Variants in MAF observed in about 807,000 individuals in gnomAD.
MAF encodes the protein transcription factor Maf.
In MAF, 10 loss-of-function variants were observed where a neutral mutation model predicts 22.0. The observed-to-expected ratio is 0.45, with a 90% confidence interval of 0.28 to 0.77. MAF has a LOEUF of 0.77. Among genes scored for constraint, MAF ranks in the 30% least tolerant of loss-of-function variants. The pLI, the probability that MAF is intolerant of heterozygous loss-of-function variation, is 0.12. For synonymous variants in MAF, 337 were observed against 255.8 expected (o/e 1.32, Z -3.03); for missense variants, 544 against 548.4 (o/e 0.99, Z 0.08).
chr16:79,552,733 T>A, the MAF span, among the ~76,000 whole-genome samples: 1 of 152,222 alleles, frequency 6.6e-6, no homozygotes, highest in East Asian at 1.9e-4. Context: ...TTCTTCCCAC[T>A]GGATTTGCTA....
At chr16:79,565,047 C>A in the MAF span, among the ~76,000 whole-genome samples, 1 of 152,134 alleles carries the variant, frequency 6.6e-6, no homozygotes, top group African/African-American at 2.4e-5. Context: ...CATCATTCAG[C>A]TGTGGAAATA....
At chr16:79,206,278 C>G in the MAF span, 1 of 152,200 alleles carries the variant, frequency 6.6e-6, no homozygotes, top group Non-Finnish European at 1.5e-5. Context: ...AAGCCGGAGC[C>G]CCGTGGAAGA....
chr16:79,347,159 T>C, the MAF span, among the ~76,000 whole-genome samples: 13 of 152,354 alleles, frequency 8.5e-5, no homozygotes, highest in East Asian at 2.3e-3. Context: ...CTAAAATCTG[T>C]GCAGCCACAC....
the MAF span, among the ~76,000 whole-genome samples, chr16:79,396,824 G>A: frequency 2.6e-5 from 4 of 152,212 alleles, no homozygotes; most frequent in Non-Finnish European, 5.9e-5. Flanking sequence ...AGGGTGATGT[G>A]AATTTGCAGC....
At chr16:79,528,781 G>A in the MAF span, among the ~76,000 whole-genome samples, 1 of 152,102 alleles carries the variant, frequency 6.6e-6, no homozygotes, top group Non-Finnish European at 1.5e-5. Flanking sequence ...CCCTGAAAAT[G>A]AAATTGGCTG....
At chr16:79,337,815 AT>A in the MAF span, among the ~76,000 whole-genome samples, 1 of 152,188 alleles carries the variant, frequency 6.6e-6, no homozygotes, top group Admixed American at 6.5e-5. Flanking sequence ...AAACCCTTCT[AT>A]GCACACACAA....
the MAF span, among the ~76,000 whole-genome samples, chr16:79,528,572 A>G: frequency 6.6e-6 from 1 of 152,116 alleles, no homozygotes; most frequent in African/African-American, 2.4e-5. Flanking sequence ...AGCCCTGGTG[A>G]ATGTCACAAC....
At chr16:79,536,509 G>T in the MAF span, among the ~76,000 whole-genome samples, 1 of 152,148 alleles carries the variant, frequency 6.6e-6, no homozygotes, top group Non-Finnish European at 1.5e-5. Flanking sequence ...AGGCATGGTG[G>T]TGCACACCTG....
the MAF span, among the ~76,000 whole-genome samples, chr16:79,250,269 A>G: frequency 6.6e-6 from 1 of 152,214 alleles, no homozygotes; most frequent in South Asian, 2.1e-4. Context: ...CTTGCAAAGG[A>G]GGCCATCCAA....
chr16:79,494,758 A>C, the MAF span, among the ~76,000 whole-genome samples: 14 of 152,296 alleles, frequency 9.2e-5, no homozygotes, highest in East Asian at 2.7e-3. Context: ...GATCCCGTAG[A>C]TGAAGGGCTC....
chr16:79,376,069 G>C, the MAF span, among the ~76,000 whole-genome samples: 7 of 151,454 alleles, frequency 4.6e-5, no homozygotes, highest in Non-Finnish European at 1.0e-4. Flanking sequence ...CATTGCCTGG[G>C]AGAACAGTGA....
the MAF span, among the ~76,000 whole-genome samples, chr16:79,213,898 C>A: frequency 6.6e-6 from 1 of 152,072 alleles, no homozygotes; most frequent in Admixed American, 6.5e-5. Context: ...TTTTTTTCTA[C>A]CCTACTTCTC....
the MAF span, among the ~76,000 whole-genome samples, chr16:79,544,846 C>G: frequency 6.6e-6 from 1 of 151,922 alleles, no homozygotes; most frequent in Non-Finnish European, 1.5e-5. Flanking sequence ...GATATGGCAC[C>G]TTACTTACAT....
At chr16:79,592,018 C>A (rs1019750763), downstream of MAF, among the ~76,000 whole-genome samples, 1 of 152,228 alleles carries the variant, frequency 6.6e-6, no homozygotes, top group South Asian at 2.1e-4. Context: ...TACATGCACA[C>A]TAGGTCTGAC....
chr16:79,439,150 G>A, the MAF span, among the ~76,000 whole-genome samples: 1 of 151,618 alleles, frequency 6.6e-6, no homozygotes, highest in South Asian at 2.1e-4. Flanking sequence ...TTCATTCATC[G>A]TTCATTTACG....
chr16:79,262,977 C>T, the MAF span, among the ~76,000 whole-genome samples: 3 of 152,220 alleles, frequency 2.0e-5, no homozygotes, highest in African/African-American at 4.8e-5. Context: ...TCCCATAGCT[C>T]GTGTCAAACA....
chr16:79,369,081 T>C, the MAF span, among the ~76,000 whole-genome samples: 6 of 152,194 alleles, frequency 3.9e-5, no homozygotes, highest in African/African-American at 9.7e-5. Context: ...GCCCAAGAAA[T>C]GTTTGTTGAA....
chr16:79,490,083 G>A, the MAF span, among the ~76,000 whole-genome samples: 25 of 152,188 alleles, frequency 1.6e-4, no homozygotes, highest in Admixed American at 6.5e-4. Context: ...GTGTGGCAAG[G>A]TAGAGTGGTC....
At position 79,599,128 on chromosome 16, in the gene MAF, C is replaced by G. The variant is rs1373647011; in HGVS notation, c.775G>C (p.Asp259His). ...ACCAGCTGCTCGTCGGAGAAGCGGT[C>G]GTCGAAGTGCAGGCCGCCGGCGGCG... ...HHAAGGLHFD[D>H]RFSDEQLVTM... The change falls in exon 1 of 2, where the codon GAC becomes CAC. Residue 259 changes from aspartate (D) to histidine (H), a missense_variant. Asp to His is a moderately conservative substitution (Grantham distance 81). This residue lies in a region of MAF where 342 missense variants were observed against 315.5 expected (regional missense o/e 1.08). Transcript: ENST00000326043. 1.3e-6 allele frequency: 2 copies of G among 1,588,526 alleles called. No individual in the cohort carries two copies. Among genetic ancestry groups the G allele is most frequent in the Admixed American group, 1.7e-5 (1 of 58,794 alleles).
Sources: allele counts gnomAD v4.1 joint callset (sites outside exome capture counted in the v4.1 genomes callset), GRCh38; gene constraint gnomAD v4.1.1; regional missense constraint gnomAD v4.1.1; transcripts MANE v1.5; gene names NCBI Gene and HGNC (gene_info 2026-07-23, HGNC 2026-07-21).